Variants in GNPTAB observed in about 807,000 individuals in gnomAD.
GNPTAB encodes N-acetylglucosamine-1-phosphotransferase subunits alpha/beta.
Under a neutral mutation model 136.6 loss-of-function variants are expected in GNPTAB, and 92 were observed. The observed-to-expected ratio is 0.67, with a 90% CI of 0.57 to 0.80. The LOEUF (loss-of-function observed/expected upper bound fraction) is 0.80, where lower values mean the gene tolerates loss of function less well. GNPTAB is among the 30% of genes least tolerant of loss of function. The pLI, the probability that GNPTAB is intolerant of heterozygous loss-of-function variation, is 0.00. For missense variants in GNPTAB, 1,343 were observed against 1,501.8 expected (o/e 0.89, Z 1.75); for synonymous variants, 512 against 535.1 (o/e 0.96, Z 0.60).
At chr12:101,776,948 CTA>C (rs1953270339) in intron 7 of GNPTAB, among the ~76,000 whole-genome samples, 1 of 152,254 alleles carries the variant, frequency 6.6e-6, no homozygotes, top group Non-Finnish European at 1.5e-5. Context: ...AGTCCAATGT[CTA>C]ACAGCCCTCT....
intron 1 of GNPTAB, among the ~76,000 whole-genome samples, chr12:101,800,780 A>G (rs566779964): frequency 2.5e-4 from 38 of 152,004 alleles, no homozygotes; most frequent in African/African-American, 8.4e-4. Flanking sequence ...TCCATCTCAA[A>G]ATAAAAAGAA....
At chr12:101,790,120 A>G in intron 2 of GNPTAB, 63 bp from the exon 3 acceptor site, 1 of 1,610,326 alleles carries the variant, frequency 6.2e-7, no homozygotes, top group Non-Finnish European at 8.5e-7. Context: ...GGTAATAAGA[A>G]TATCACAGGG....
At chr12:101,772,955 T>A (rs112139789) in intron 7 of GNPTAB, among the ~76,000 whole-genome samples, 5 of 152,180 alleles carry the variant, frequency 3.3e-5, no homozygotes, top group African/African-American at 9.7e-5. Context: ...TAGCTGGGAT[T>A]ACAGGCAAGC....
chr12:101,806,441 G>T (rs1869938413), intron 1 of GNPTAB, among the ~76,000 whole-genome samples: 1 of 152,174 alleles, frequency 6.6e-6, no homozygotes, highest in Admixed American at 6.5e-5. Flanking sequence ...TGGTTACAAA[G>T]TTCCTGTTTG....
chr12:101,820,766 A>G (rs1870749866), intron 1 of GNPTAB, among the ~76,000 whole-genome samples: 2 of 152,200 alleles, frequency 1.3e-5, no homozygotes, highest in South Asian at 4.1e-4. Flanking sequence ...CAAGCAAGAA[A>G]GCATCTCCCA....
chr12:101,802,365 T>C (rs1477980175), intron 1 of GNPTAB, among the ~76,000 whole-genome samples: 5 of 152,162 alleles, frequency 3.3e-5, no homozygotes, highest in Admixed American at 3.3e-4. Context: ...CAGAGGTTAC[T>C]GGGGACCCTC....
At chr12:101,776,191 A>G (rs1409947054) in intron 7 of GNPTAB, among the ~76,000 whole-genome samples, 1 of 152,254 alleles carries the variant, frequency 6.6e-6, no homozygotes, top group Non-Finnish European at 1.5e-5. Context: ...AAGATTTCCC[A>G]CTTGCTCTAA....
intron 2 of GNPTAB, 51 bp from the exon 3 acceptor site, chr12:101,790,108 T>C: frequency 1.2e-6 from 2 of 1,613,206 alleles, no homozygotes; most frequent in Non-Finnish European, 1.7e-6. Context: ...TCCAATATAT[T>C]TGGTAATAAG....
intron 13 of GNPTAB, among the ~76,000 whole-genome samples, chr12:101,763,039 G>T (rs1953025437): frequency 6.6e-6 from 1 of 151,770 alleles, no homozygotes; most frequent in South Asian, 2.1e-4. Context: ...TGGCTAACAT[G>T]GTGAAACCCC....
In GNPTAB at chr12:101,766,083, A is replaced by C. The variant is rs535977057; in HGVS notation, c.1612+8T>G. 2.9e-5 allele frequency: 46 copies of C among 1,612,468 alleles called. No individual in the cohort carries two copies. In the East Asian group the frequency reaches 1.0e-3, roughly 36 times the overall value. ...CTCCCATTCTTATTTGTTTGGCAGT[A>C]AACATACCTTGCCCACAGTCGCCAG... On this transcript the variant is annotated splice_region_variant and intron_variant, in intron 12 of 20. Coordinates refer to ENST00000299314, the MANE Select transcript of GNPTAB (RefSeq NM_024312.5).
chr12:101,761,342 G>A lies in GNPTAB; in HGVS notation c.2920C>T (p.Pro974Ser). ...AATGACGTCTTGTCAAATTCTTCAG[G>A]GAACCTGTCCAAATATAACATATTA... is the stretch of plus-strand genomic sequence containing the variant. ...IVMQELQDMF[P>S]EEFDKTSFHK... The change falls in exon 15 of 21, where the codon CCT becomes TCT. Residue 974 changes from proline to serine, a missense_variant. Pro to Ser is a moderately conservative substitution (Grantham distance 74). Transcript: ENST00000299314. 6.2e-7 allele frequency: 1 copy of A among 1,613,278 alleles called. No homozygotes were observed. The highest frequency in any genetic ancestry group is 8.5e-7 in the Non-Finnish European group (1 of 1,179,706).
chr12:101,801,539 C>CAAAAAAAAAA (rs36066248), intron 1 of GNPTAB, among the ~76,000 whole-genome samples: 14 of 42,592 alleles, frequency 3.3e-4, no homozygotes, highest in African/African-American at 8.4e-4. Flanking sequence ...GACCCTGTCT[C>CAAAAAAAAAA]AAAAAAAAAA....
intron 7 of GNPTAB, chr12:101,778,266 G>A (rs577469938): frequency 1.3e-5 from 2 of 152,192 alleles, no homozygotes; most frequent in South Asian, 4.2e-4. Flanking sequence ...AAACAGAGTG[G>A]AGTATGGAGA....
chr12:101,795,651 GC>G (rs1483517459), intron 2 of GNPTAB, among the ~76,000 whole-genome samples: 1 of 152,014 alleles, frequency 6.6e-6, no homozygotes, highest in Non-Finnish European at 1.5e-5. Flanking sequence ...TACTTGGGAG[GC>G]TGAGGCAGGA....
chr12:101,776,781 G>A (rs2137132382), intron 7 of GNPTAB, among the ~76,000 whole-genome samples: 1 of 152,320 alleles, frequency 6.6e-6, no homozygotes, highest in South Asian at 2.1e-4. Context: ...GTAAAAAGGT[G>A]AATAGGGCAG....
chr12:101,783,390 TC>T (rs1180359487), intron 5 of GNPTAB, among the ~76,000 whole-genome samples: 1 of 152,044 alleles, frequency 6.6e-6, no homozygotes, highest in Admixed American at 6.5e-5. Flanking sequence ...AAATAAAATG[TC>T]CCAAGGGAGA....
chr12:101,824,734 C>A (rs1407408563), intron 1 of GNPTAB, among the ~76,000 whole-genome samples: 1 of 151,890 alleles, frequency 6.6e-6, no homozygotes, highest in Admixed American at 6.6e-5. Context: ...ACATGAGCCA[C>A]CACACCTGGC....
At chr12:101,773,989 A>AACAAC (rs1953222271) in intron 7 of GNPTAB, among the ~76,000 whole-genome samples, 1 of 152,266 alleles carries the variant, frequency 6.6e-6, no homozygotes, top group Non-Finnish European at 1.5e-5. Context: ...ACCCACAGTG[A>AACAAC]ACAACACGTA....
chr12:101,822,984 G>A (rs191328659), intron 1 of GNPTAB, among the ~76,000 whole-genome samples: 2 of 152,256 alleles, frequency 1.3e-5, no homozygotes, highest in African/African-American at 4.8e-5. Flanking sequence ...GACCAGTCCC[G>A]AGATTCAGAG....
Sources: gnomAD v4.1 joint callset for allele counts (sites outside exome capture counted in the v4.1 genomes callset) on GRCh38, gnomAD v4.1.1 for gene constraint, MANE v1.5 for transcripts, NCBI Gene and HGNC (gene_info 2026-07-23, HGNC 2026-07-21) for gene names.